LINGO2: variants seen among roughly 807,000 people sequenced by gnomAD.
LINGO2 encodes the protein leucine rich repeat and Ig domain containing 2.
A neutral mutation model predicts 30.6 loss-of-function variants in LINGO2; 14 were observed. The observed-to-expected ratio is 0.46, with a 90% CI of 0.30 to 0.72. The LOEUF (loss-of-function observed/expected upper bound fraction) is 0.72. Among genes scored for constraint, LINGO2 ranks in the 30% least tolerant of loss-of-function variants. LINGO2 has a pLI of 0.07. For missense variants in LINGO2, 729 were observed against 751.7 expected (o/e 0.97, Z 0.35); for synonymous variants, 317 against 288.5 (o/e 1.10, Z -1.00).
chr9:28,327,554 T>A (rs1335041769), intron 3 of LINGO2, among the ~76,000 whole-genome samples: 2 of 152,198 alleles, frequency 1.3e-5, no homozygotes, highest in Admixed American at 6.5e-5. Flanking sequence ...TTTGGCCCAG[T>A]GTTTAATTAC....
chr9:28,428,739 A>G (rs1823521637), intron 2 of LINGO2, among the ~76,000 whole-genome samples: 1 of 152,104 alleles, frequency 6.6e-6, no homozygotes, highest in Non-Finnish European at 1.5e-5. Context: ...TTGGAATCAG[A>G]CACACCTGGA....
At chr9:29,130,438 A>G in the LINGO2 span, among the ~76,000 whole-genome samples, 2 of 152,120 alleles carry the variant, frequency 1.3e-5, no homozygotes, top group Admixed American at 6.6e-5. Flanking sequence ...AATCCTCTGC[A>G]AAAGTGGAAA....
chr9:28,791,484 GC>G, the LINGO2 span, among the ~76,000 whole-genome samples: 30 of 151,948 alleles, frequency 2.0e-4, no homozygotes, highest in Admixed American at 1.8e-3. Context: ...ATTAAAACAT[GC>G]TTGACTGATC....
the LINGO2 span, among the ~76,000 whole-genome samples, chr9:28,774,080 ACACT>A: frequency 1.2e-3 from 166 of 137,234 alleles, 1 homozygote; most frequent in Non-Finnish European, 2.2e-3. Flanking sequence ...ACACACACAC[ACACT>A]TACTTTAGCA....
the LINGO2 span, among the ~76,000 whole-genome samples, chr9:28,688,730 A>T: frequency 6.6e-6 from 1 of 152,336 alleles, no homozygotes. Context: ...CTACTAAGCA[A>T]GCTGAATAAA....
the LINGO2 span, among the ~76,000 whole-genome samples, chr9:28,885,360 T>TACACAC: frequency 9.0e-3 from 1,293 of 144,144 alleles, 20 homozygotes; most frequent in Middle Eastern, 0.032. Context: ...TATATATATA[T>TACACAC]ACACACACAC....
At chr9:28,782,982 T>C in the LINGO2 span, among the ~76,000 whole-genome samples, 3 of 152,166 alleles carry the variant, frequency 2.0e-5, no homozygotes, top group African/African-American at 7.2e-5. Flanking sequence ...TGTATACAAC[T>C]GTAACACAAT....
At chr9:29,103,481 C>G in the LINGO2 span, among the ~76,000 whole-genome samples, 19 of 151,888 alleles carry the variant, frequency 1.3e-4, no homozygotes, top group African/African-American at 4.6e-4. Context: ...AATTTATGCT[C>G]TACATTTATC....
At chr9:28,880,403 T>G in the LINGO2 span, among the ~76,000 whole-genome samples, 30,026 of 152,120 alleles carry the variant, frequency 0.2, 5,548 homozygotes, top group African/African-American at 0.49. Flanking sequence ...AAGGTTTAAG[T>G]GATCTAGGGC....
At chr9:28,018,844 T>C (rs1460484056) in intron 4 of LINGO2, among the ~76,000 whole-genome samples, 1 of 152,166 alleles carries the variant, frequency 6.6e-6, no homozygotes, top group African/African-American at 2.4e-5. Context: ...ATTGGGTATA[T>C]ACGCAAAGAA....
the LINGO2 span, among the ~76,000 whole-genome samples, chr9:28,801,153 G>A: frequency 6.6e-6 from 1 of 152,066 alleles, no homozygotes; most frequent in Non-Finnish European, 1.5e-5. Context: ...CATGCAAGAA[G>A]CTTGAGTCTT....
At chr9:28,096,198 A>T (rs995109729) in intron 4 of LINGO2, among the ~76,000 whole-genome samples, 28 of 152,152 alleles carry the variant, frequency 1.8e-4, no homozygotes, top group Non-Finnish European at 1.0e-4. Context: ...AATAGCATCT[A>T]CCTCACAGAA....
rs918722348 is a variant in LINGO2 at position 28,421,727 on chromosome 9, G to A, written c.-278-48859C>T. On this transcript the variant is annotated intron_variant, in intron 2 of 5. Transcript: ENST00000379992. ...AATTGAAAAAAATTCATACATAAGC[G>A]TACCACAGCTGATCAAACCCATGTT... is the stretch of plus-strand genomic sequence containing the variant. Among the ~76,000 whole-genome samples the A allele has an allele frequency of 5.9e-5, 9 of 151,892 alleles. 1 individual carries two copies. Among genetic ancestry groups the A allele is most frequent in the Admixed American group, 3.3e-4 (5 of 15,202 alleles).
the LINGO2 span, among the ~76,000 whole-genome samples, chr9:28,836,672 T>C: frequency 1.3e-5 from 2 of 152,180 alleles, no homozygotes; most frequent in Non-Finnish European, 2.9e-5. Context: ...TAGTTTTTAA[T>C]TTTAATTCAA....
intron 4 of LINGO2, among the ~76,000 whole-genome samples, chr9:28,020,369 C>T (rs983619342): frequency 6.6e-6 from 1 of 151,880 alleles, no homozygotes; most frequent in African/African-American, 2.4e-5. Flanking sequence ...ACTCTACTAA[C>T]AATACAAAAA....
At chr9:28,621,030 T>G (rs969596584) in intron 1 of LINGO2, among the ~76,000 whole-genome samples, 10 of 151,952 alleles carry the variant, frequency 6.6e-5, no homozygotes, top group African/African-American at 2.4e-4. Context: ...GTCTAAAAAT[T>G]TATTTGGATA....
At chr9:28,406,161 G>T (rs903416021) in intron 2 of LINGO2, among the ~76,000 whole-genome samples, 5 of 152,092 alleles carry the variant, frequency 3.3e-5, no homozygotes, top group African/African-American at 1.2e-4. Flanking sequence ...ATGTGCGGCT[G>T]GGTGCGGTGG....
rs1260518228 is a variant in LINGO2 at position 28,506,479 on chromosome 9, C to CACAGACATATATAT, written c.-364-30455_-364-30454insATATATATGTCTGT. 1.7e-3 allele frequency among the ~76,000 whole-genome samples: 19 copies of CACAGACATATATAT among 11,362 alleles called. 1 individual carries two copies. Among genetic ancestry groups the CACAGACATATATAT allele is most frequent in the Non-Finnish European group, 3.8e-3 (9 of 2,340 alleles). 7.5% of individuals were successfully genotyped at this position (11,362 alleles called of 152,430 possible). Reference sequence around the variant, plus strand: ...ACATACACATACACACACACACACACATACACATACACACACACACACAGA... The same window carrying CACAGACATATATAT: ...ACATACACATACACACACACACACACACAGACATATATATATACACATACACACACACACACAGA... On this transcript the variant is annotated intron_variant, in intron 1 of 5. Coordinates refer to ENST00000379992, the Ensembl canonical transcript of LINGO2.
the LINGO2 span, among the ~76,000 whole-genome samples, chr9:29,053,204 T>A: frequency 1.3e-5 from 2 of 151,802 alleles, no homozygotes; most frequent in African/African-American, 2.4e-5. Context: ...GAAAAAAAAA[T>A]GATAATCTTA....
Sources: allele counts gnomAD v4.1 joint callset (sites outside exome capture counted in the v4.1 genomes callset), GRCh38; gene constraint gnomAD v4.1.1; transcripts MANE v1.5; gene names NCBI Gene and HGNC (gene_info 2026-07-23, HGNC 2026-07-21).